The following UHRF1 variants were observed in gnomAD, a reference collection of about 807,000 sequenced individuals.
UHRF1 encodes the protein E3 ubiquitin-protein ligase UHRF1.
UHRF1 carries 9 observed loss-of-function variants against 96.5 expected under a neutral mutation model. The ratio of observed to expected loss-of-function variants is 0.09; its 90% CI spans 0.06 to 0.16. The LOEUF is 0.16. UHRF1 is among the 10% of genes least tolerant of loss of function. The pLI, the probability that UHRF1 is intolerant of heterozygous loss-of-function variation, is 1.00. For missense variants in UHRF1, 626 were observed against 1,131.1 expected (o/e 0.55, Z 6.40); for synonymous variants, 455 against 469.9 (o/e 0.97, Z 0.41).
rs142040447 is a variant in UHRF1, at chr19:4,933,449, C to T, written c.785+493C>T. 6.7e-3 allele frequency among the ~76,000 whole-genome samples: 1,022 copies of T among 152,228 alleles called. 13 individuals carry two copies. Among genetic ancestry groups the T allele is most frequent in the African/African-American group, 0.023 (945 of 41,538 alleles). ...CAGGATGGTCTCGATCTCCTGACCTCGTGATCTGCCTGCCTCGGCCTCCCA... is the reference window on the plus strand; with the variant it reads ...CAGGATGGTCTCGATCTCCTGACCTTGTGATCTGCCTGCCTCGGCCTCCCA... On this transcript the variant is annotated intron_variant, in intron 5 of 16. Coordinates refer to ENST00000650932, the MANE Select transcript of UHRF1 (RefSeq NM_001048201.3).
rs1568185603 is a variant in UHRF1, at chr19:4,956,732, G to A, written c.2154G>A (p.Val718=). Residue 718 remains valine, a synonymous_variant, in exon 16 of 17, where the codon GTG becomes GTA. Transcript: ENST00000650932. ...GSPFQLFLSK[V]EETFQCICCQ... is the part of the protein sequence containing the mutation. ...AGTTCCAGTTGTTCCTGAGTAAAGTGGAGGAGACGTTCCAGTGTATCTGCT... is the reference window on the plus strand; with the variant it reads ...AGTTCCAGTTGTTCCTGAGTAAAGTAGAGGAGACGTTCCAGTGTATCTGCT... 22 of 1,611,956 alleles carry A rather than the reference G, an allele frequency of 1.4e-5. No individual in the cohort carries two copies. Among genetic ancestry groups the A allele is most frequent in the Non-Finnish European group, 1.8e-5 (21 of 1,179,058 alleles).
At chr19:4,950,814 G>A (rs1185990080) in intron 12 of UHRF1, 41 bp downstream of exon 12, 12 of 1,614,006 alleles carry the variant, frequency 7.4e-6, no homozygotes, top group Admixed American at 1.7e-5. Flanking sequence ...TGTCCCCGCC[G>A]GGGCTGCCTC....
At chr19:4,936,553 C>G (rs566698606) in intron 5 of UHRF1, among the ~76,000 whole-genome samples, 4 of 152,196 alleles carry the variant, frequency 2.6e-5, no homozygotes, top group Admixed American at 6.5e-5. Flanking sequence ...AAATGCAAGC[C>G]CTCTACACTG....
chr19:4,947,156 G>T lies in UHRF1; in HGVS notation c.1462G>T (p.Gly488Cys). 1.2e-6 allele frequency: 2 copies of T among 1,613,406 alleles called. No homozygotes were observed. Among genetic ancestry groups the T allele is most frequent in the Non-Finnish European group, 1.7e-6 (2 of 1,179,782 alleles). The stretch of plus-strand genomic sequence containing the variant: ...GGGTAGTGGTGGTCGAGATCTTTCC[G>T]GCAACAAGAGGACCGCGGAACAGTC... ...YTGSGGRDLS[G>C]NKRTAEQSCD... The change falls in exon 11 of 17, where the codon GGC (glycine) becomes TGC (cysteine). Residue 488 changes from glycine to cysteine, a missense_variant. Coordinates refer to ENST00000650932, the MANE Select transcript of UHRF1 (RefSeq NM_001048201.3).
chr19:4,942,777 A>C (rs2033446362), intron 7 of UHRF1, among the ~76,000 whole-genome samples: 2 of 152,086 alleles, frequency 1.3e-5, no homozygotes, highest in Admixed American at 6.6e-5. Flanking sequence ...CAAAAAATGT[A>C]AGAAAATTAG....
intron 2 of UHRF1, among the ~76,000 whole-genome samples, chr19:4,919,364 G>T (rs1018405014): frequency 1.2e-4 from 18 of 151,534 alleles, no homozygotes; most frequent in Admixed American, 1.1e-3. Context: ...GTGCAGTGGC[G>T]TGGTCTTGGC....
At chr19:4,918,563 C>T (rs1017841385) in intron 2 of UHRF1, among the ~76,000 whole-genome samples, 18 of 151,676 alleles carry the variant, frequency 1.2e-4, no homozygotes, top group African/African-American at 3.4e-4. Context: ...TACAGGCATG[C>T]ACCACCATGC....
rs1462627811 is a variant in UHRF1 at position 4,929,207 on chromosome 19, C to T, written c.154-15C>T. 6.2e-7 allele frequency: 1 copy of T among 1,605,498 alleles called. No homozygotes were observed. Among genetic ancestry groups the T allele is most frequent in the Non-Finnish European group, 8.5e-7 (1 of 1,173,794 alleles). ...TTTGGTGGCTAAACAGCGTCTGCCT[C>T]TGGTGTCCCTGCAGATGGAGGACGG... On this transcript the variant is annotated splice_polypyrimidine_tract_variant and intron_variant, in intron 2 of 16. Transcript: ENST00000650932.
At chr19:4,955,952 G>C (rs191455847) in intron 15 of UHRF1, among the ~76,000 whole-genome samples, 1 of 151,894 alleles carries the variant, frequency 6.6e-6, no homozygotes, top group African/African-American at 2.4e-5. Context: ...TTTTTTTTGA[G>C]ATGGAGTTTT....
At chr19:4,909,879 G>T (rs1485347098) in intron 1 of UHRF1, 1 of 377,596 alleles carries the variant, frequency 2.6e-6, no homozygotes, top group East Asian at 3.9e-5. Context: ...GCGGGGGGTC[G>T]AGCGCGCCGG....
At position 4,916,495 on chromosome 19, in the gene UHRF1, C is replaced by T. The variant is rs550805176; in HGVS notation, c.153+5457C>T. On this transcript the variant is annotated intron_variant, in intron 2 of 16. Transcript: ENST00000650932. ...GACAGTGATCGTGGTGTCTTTGTGG[C>T]GGTTGTGTTGACCTCACTGACCCCC... 1.8e-4 allele frequency among the ~76,000 whole-genome samples: 28 copies of T among 152,224 alleles called. No homozygotes were observed. In the East Asian group the frequency reaches 3.3e-3, roughly 18 times the overall value.
At chr19:4,928,025 G>A (rs1196867916) in intron 2 of UHRF1, among the ~76,000 whole-genome samples, 3 of 152,158 alleles carry the variant, frequency 2.0e-5, no homozygotes, top group Non-Finnish European at 4.4e-5. Flanking sequence ...CCTCAGTAGG[G>A]CACAGCATCA....
chr19:4,949,893 A>G (rs1250217805), intron 11 of UHRF1, among the ~76,000 whole-genome samples: 3 of 151,528 alleles, frequency 2.0e-5, no homozygotes, highest in African/African-American at 7.3e-5. Context: ...TTTTTGAGGC[A>G]GGGTCTCCCT....
rs552869104 is a variant in UHRF1, at chr19:4,936,330, C to T, written c.785+3374C>T. On this transcript the variant is annotated intron_variant, in intron 5 of 16. Transcript: ENST00000650932. Reference sequence around the variant, plus strand: ...AAGATGAGACAGAGAAACGCGATTGCAGTCCCTGTCTTAGGAGGCACCCAG... The same window carrying T: ...AAGATGAGACAGAGAAACGCGATTGTAGTCCCTGTCTTAGGAGGCACCCAG... Among the ~76,000 whole-genome samples, 6 of 152,308 alleles carry T rather than the reference C, an allele frequency of 3.9e-5. No individual in the cohort carries two copies. The South Asian group carries it at 1.2e-3, about 32-fold the overall frequency.
chr19:4,950,601 C>T lies in UHRF1; in HGVS notation c.1518-10C>T, dbSNP rs772050989. The T allele has an allele frequency of 1.2e-6, 2 of 1,610,460 alleles. No homozygotes were observed. The highest frequency in any genetic ancestry group is 4.5e-5 in the East Asian group (2 of 44,878). ...ACCTATAATGCGTGGGGTCCTGACT[C>T]TCCCTGCAGGGCGCTGGCTCTCAAC... On this transcript the variant is annotated splice_polypyrimidine_tract_variant and intron_variant, in intron 11 of 16. Coordinates refer to ENST00000650932, the MANE Select transcript of UHRF1 (RefSeq NM_001048201.3).
intron 2 of UHRF1, among the ~76,000 whole-genome samples, chr19:4,928,846 T>C (rs1252430818): frequency 6.6e-6 from 1 of 152,094 alleles, no homozygotes; most frequent in Non-Finnish European, 1.5e-5. Context: ...CATGTTTGGT[T>C]GAGAAGCAGT....
chr19:4,915,668 C>G (rs1258353244), intron 2 of UHRF1, among the ~76,000 whole-genome samples: 1 of 152,098 alleles, frequency 6.6e-6, no homozygotes, highest in Non-Finnish European at 1.5e-5. Context: ...TGAGATCCCA[C>G]CACTGCACTC....
chr19:4,922,095 C>T (rs1020979433), intron 2 of UHRF1, among the ~76,000 whole-genome samples: 9 of 152,052 alleles, frequency 5.9e-5, no homozygotes, highest in East Asian at 1.9e-4. Flanking sequence ...TACAGGCGTG[C>T]GCCACCACAC....
chr19:4,942,590 A>G (rs1168449552), intron 7 of UHRF1, among the ~76,000 whole-genome samples: 1 of 152,086 alleles, frequency 6.6e-6, no homozygotes, highest in Non-Finnish European at 1.5e-5. Context: ...CTGGGATTAC[A>G]GGTGCCTGCC....
Sources: gnomAD v4.1 joint callset for allele counts (sites outside exome capture counted in the v4.1 genomes callset) on GRCh38, gnomAD v4.1.1 for gene constraint, MANE v1.5 for transcripts, NCBI Gene and HGNC (gene_info 2026-07-23, HGNC 2026-07-21) for gene names.